CCPG1: variants seen among roughly 807,000 people sequenced by gnomAD.
CCPG1 encodes the protein cell cycle progression protein 1.
In CCPG1, 46 loss-of-function variants were observed where a neutral mutation model predicts 81.3. The observed-to-expected ratio is 0.57, with a 90% CI of 0.45 to 0.72. The LOEUF is 0.72. Ranked by LOEUF, CCPG1 falls within the 30% of genes least tolerant of loss-of-function variation. The probability of loss-of-function intolerance (pLI) is 0.00; values close to 1 mark genes in which losing one functional copy is unlikely to be tolerated. For synonymous variants in CCPG1, 330 were observed against 305.2 expected, an observed-to-expected ratio of 1.08 and a Z score of -0.85; for missense variants, 902 against 937.6, an observed-to-expected ratio of 0.96 and a Z score of 0.50.
At chr15:55,376,192 A>G (rs1464893012) in intron 5 of CCPG1, among the ~76,000 whole-genome samples, 1 of 152,190 alleles carries the variant, frequency 6.6e-6, no homozygotes, top group Non-Finnish European at 1.5e-5. Context: ...CTCTGCCATA[A>G]CTCACGCTTA....
At chr15:55,382,204 A>T (rs1378611936) in intron 3 of CCPG1, among the ~76,000 whole-genome samples, 1 of 152,042 alleles carries the variant, frequency 6.6e-6, no homozygotes, top group Non-Finnish European at 1.5e-5. Context: ...TCCCACATGG[A>T]TTGACTCTCC....
intron 8 of CCPG1, chr15:55,356,768 C>T: frequency 4.0e-6 from 4 of 1,007,222 alleles, no homozygotes; most frequent in Non-Finnish European, 4.7e-6. Context: ...AATACATACA[C>T]ATCTCTCACA....
intron 6 of CCPG1, among the ~76,000 whole-genome samples, chr15:55,370,885 G>GAA (rs1210551702): frequency 3.2e-5 from 3 of 94,614 alleles, no homozygotes; most frequent in Admixed American, 1.2e-4. Flanking sequence ...CAAAAAAAAA[G>GAA]AAAAAAAAAA....
chr15:55,363,426 G>C (rs28476538), intron 7 of CCPG1, among the ~76,000 whole-genome samples: 1 of 150,548 alleles, frequency 6.6e-6, no homozygotes, highest in Non-Finnish European at 1.5e-5. Flanking sequence ...TTAATGCGTG[G>C]TGAGTTTTCC....
At chr15:55,372,345 A>C in intron 5 of CCPG1, 1 of 334,190 alleles carries the variant, frequency 3.0e-6, no homozygotes, top group Non-Finnish European at 5.6e-6. Flanking sequence ...TCTTAGAACA[A>C]TCCTTCATTC....
At chr15:55,378,606 ATT>A (rs11370083) in intron 3 of CCPG1, among the ~76,000 whole-genome samples, 2 of 146,670 alleles carry the variant, frequency 1.4e-5, no homozygotes, top group Non-Finnish European at 3.0e-5. Flanking sequence ...ATCATTTAAG[ATT>A]TTTTTTTTTT....
intron 1 of CCPG1, among the ~76,000 whole-genome samples, chr15:55,393,114 A>T (rs149558488): frequency 0.037 from 5,560 of 151,952 alleles, 103 homozygotes; most frequent in African/African-American, 0.05. Flanking sequence ...CAAAATAAAT[A>T]AATTAATTAA....
chr15:55,360,843 T>C lies in CCPG1; in HGVS notation c.930A>G (p.Leu310=). ...TTTCTTCCTTCTCCAAGGATACTCT[T>C]AAATACTGATTTTCTGTAGCAAGGT... The part of the protein sequence containing the change: ...KTNLATENQY[L]RVSLEKEEKA... The change falls in exon 8 of 9, where the codon TTA becomes TTG. Residue 310 remains leucine, a synonymous_variant. Transcript: ENST00000442196. 6.2e-7 allele frequency: 1 copy of C among 1,608,776 alleles called. No homozygotes were observed. Among genetic ancestry groups the C allele is most frequent in the Middle Eastern group, 1.7e-4 (1 of 6,038 alleles).
intron 3 of CCPG1, among the ~76,000 whole-genome samples, chr15:55,384,883 T>C (rs2056769040): frequency 6.6e-6 from 1 of 152,174 alleles, no homozygotes. Flanking sequence ...AACATGATAA[T>C]AACTGGAAAA....
At chr15:55,366,042 G>C (rs1264146356) in intron 6 of CCPG1, among the ~76,000 whole-genome samples, 1 of 152,160 alleles carries the variant, frequency 6.6e-6, no homozygotes, top group Non-Finnish European at 1.5e-5. Context: ...AAGTAGGCTA[G>C]TTCTTAAAAA....
At chr15:55,405,155 GT>G (rs1182040617) in intron 1 of CCPG1, among the ~76,000 whole-genome samples, 1 of 151,368 alleles carries the variant, frequency 6.6e-6, no homozygotes, top group Non-Finnish European at 1.5e-5. Flanking sequence ...GAGGTCGGGA[GT>G]TTGAGACCAG....
intron 1 of CCPG1, among the ~76,000 whole-genome samples, chr15:55,400,568 C>A (rs377386525): frequency 1.3e-5 from 2 of 151,328 alleles, no homozygotes; most frequent in Admixed American, 1.3e-4. Flanking sequence ...AAAACAAAAA[C>A]AAAACAAAAC....
At chr15:55,374,880 G>C (rs1392496559) in intron 5 of CCPG1, among the ~76,000 whole-genome samples, 2 of 152,104 alleles carry the variant, frequency 1.3e-5, no homozygotes, top group Non-Finnish European at 2.9e-5. Flanking sequence ...GGTCAGGCTG[G>C]TCTCAAACTC....
Position 55,377,017 on chromosome 15 carries a change from T to G in CCPG1, c.386A>C (p.Gln129Pro). ...GCCCATGTTAAAGTCTTCTGAACTC[T>G]GTGCTTCTTCAACAATGACAACTTC... is the stretch of plus-strand genomic sequence containing the variant. The part of the protein sequence containing the change: ...NQEVVIVEEA[Q>P]SSEDFNMGSS... Residue 129 changes from glutamine to proline, a missense_variant, in exon 5 of 9, where the codon CAG becomes CCG. Coordinates refer to ENST00000442196, the MANE Select transcript of CCPG1 (RefSeq NM_001204450.2). The G allele has an allele frequency of 6.2e-7, 1 of 1,613,950 alleles. No homozygotes were observed. Among genetic ancestry groups the G allele is most frequent in the Non-Finnish European group, 8.5e-7 (1 of 1,179,962 alleles).
In CCPG1 at chr15:55,356,226, T is replaced by C. The variant is rs1056531661; in HGVS notation, c.2418A>G (p.Gln806=). ...AATTTAACTCAATTGTGAATCAGTA[T>C]TGAGGATCAAAAGGTAATTGCCCCA... ...IELGQLPFDP[Q]Y Residue 806 remains glutamine (Q), a synonymous_variant, in exon 9 of 9, where the codon CAA becomes CAG. Transcript: ENST00000442196. 16 of 1,533,494 alleles carry C rather than the reference T, an allele frequency of 1.0e-5. No homozygotes were observed. The African/African-American group carries it at 2.1e-4, about 20-fold the overall frequency. 95.0% of individuals were successfully genotyped at this position (1,533,494 alleles called of 1,614,324 possible).
chr15:55,407,510 A>G (rs1033966362), intron 1 of CCPG1, among the ~76,000 whole-genome samples: 6 of 152,214 alleles, frequency 3.9e-5, no homozygotes, highest in African/African-American at 1.2e-4. Context: ...GTGTTTTTCA[A>G]TAAAAGTAGA....
chr15:55,402,209 T>G (rs1440853786), intron 1 of CCPG1, among the ~76,000 whole-genome samples: 1 of 152,230 alleles, frequency 6.6e-6, no homozygotes, highest in Non-Finnish European at 1.5e-5. Flanking sequence ...TCCAATTTTA[T>G]TTGTTAATGT....
chr15:55,371,732 A>C, intron 6 of CCPG1, 61 bp downstream of exon 6: 1 of 1,504,560 alleles, frequency 6.6e-7, no homozygotes, highest in Non-Finnish European at 9.1e-7. Flanking sequence ...AAGAGTCCTC[A>C]CTCTTAAGTT....
At chr15:55,401,488 G>A (rs28378485) in intron 1 of CCPG1, among the ~76,000 whole-genome samples, 26,954 of 152,010 alleles carry the variant, frequency 0.18, 4,131 homozygotes, top group African/African-American at 0.42. Context: ...CCAATATGGC[G>A]AAACTCCGTC....
Sources: gnomAD v4.1 joint callset for allele counts (sites outside exome capture counted in the v4.1 genomes callset) on GRCh38, gnomAD v4.1.1 for gene constraint, MANE v1.5 for transcripts, NCBI Gene and HGNC (gene_info 2026-07-23, HGNC 2026-07-21) for gene names.